Variants in NCOA4 observed in about 807,000 individuals in gnomAD.
NCOA4 encodes the protein 70 kDa AR-activator.
In NCOA4, 31 loss-of-function variants were observed where a neutral mutation model predicts 69.5. The ratio of observed to expected loss-of-function variants is 0.45; its 90% CI spans 0.34 to 0.60. The LOEUF is 0.60. Ranked by LOEUF, NCOA4 falls within the 20% of genes least tolerant of loss-of-function variation. NCOA4 has a pLI of 0.02. For synonymous variants in NCOA4, 228 were observed against 252.4 expected (o/e 0.90, Z 0.92); for missense variants, 600 against 719.2 (o/e 0.83, Z 1.90).
intron 9 of NCOA4, 140 bp downstream of exon 9, chr10:46,009,271 G>GTC (rs1839050389): frequency 3.4e-6 from 5 of 1,479,124 alleles, no homozygotes; most frequent in Admixed American, 1.9e-5. Context: ...GAGCTCCCCC[G>GTC]TCCCACCCTC....
intron 1 of NCOA4, chr10:46,022,360 C>G (rs782563096): frequency 2.2e-6 from 1 of 445,480 alleles, no homozygotes. Flanking sequence ...GTCTGTAAAG[C>G]TTTTAGTTTA....
At chr10:46,012,070 GAAAAAAAAAAAAAAA>G (rs71026286) in intron 7 of NCOA4, among the ~76,000 whole-genome samples, 123 of 44,522 alleles carry the variant, frequency 2.8e-3, no homozygotes, top group African/African-American at 5.8e-3. Flanking sequence ...CAAAAAGAAA[GAAAAAAAAAAAAAAA>G]AAAAAAAAAA....
At chr10:46,013,063 G>C (rs1839330940) in intron 6 of NCOA4, 37 bp from the exon 7 acceptor site, 2 of 1,604,586 alleles carry the variant, frequency 1.2e-6, no homozygotes, top group Admixed American at 1.7e-5. Context: ...AAATGCAGTA[G>C]AAAGTTCACC....
At chr10:46,028,480 T>A (rs11497868) in intron 1 of NCOA4, among the ~76,000 whole-genome samples, 4 of 151,494 alleles carry the variant, frequency 2.6e-5, no homozygotes, top group Non-Finnish European at 2.9e-5. Context: ...AGCCTTTTTT[T>A]AAAAAACTCA....
Position 46,006,429 on chromosome 10 carries a change from C to A in NCOA4, c.*163G>T. ...AGCATTTTTCTTTTAAACAGTAACT[C>A]ATAATCTGATGACTCACTTTGCTTT... On this transcript the variant is annotated 3_prime_UTR_variant, in exon 10 of 10. Transcript: ENST00000581486. 1 of 746,554 alleles carries A rather than the reference C, an allele frequency of 1.3e-6. No homozygotes were observed. Among genetic ancestry groups the A allele is most frequent in the South Asian group, 1.5e-5 (1 of 66,084 alleles). The allele number at this position is 746,554 out of a possible 1,614,324, so 46.2% of individuals were successfully genotyped here. A position where few individuals can be genotyped will look rare whatever the true frequency, so the allele number is the denominator to read the frequency against.
intron 4 of NCOA4, 132 bp downstream of exon 4, chr10:46,014,722 T>C: frequency 1.3e-6 from 1 of 796,642 alleles, no homozygotes; most frequent in Admixed American, 2.7e-5. Context: ...ATTAAATACA[T>C]GAAGCAGAAT....
Position 46,006,386 on chromosome 10 carries a change from A to G in NCOA4, c.*206T>C, listed in dbSNP as rs1260612527. On this transcript the variant is annotated 3_prime_UTR_variant, in exon 10 of 10. Coordinates refer to ENST00000581486, the MANE Select transcript of NCOA4 (RefSeq NM_001145263.2). Reference sequence around the variant, plus strand: ...TCTGTAAGAAGGAGGGAACTGAATCACCTCAGCATGAATAAACAGCATTTT... The same window carrying G: ...TCTGTAAGAAGGAGGGAACTGAATCGCCTCAGCATGAATAAACAGCATTTT... 9.1e-6 allele frequency: 5 copies of G among 547,490 alleles called. No homozygotes were observed. In the African/African-American group the frequency reaches 9.4e-5, roughly 10 times the overall value. 33.9% of individuals were successfully genotyped at this position (547,490 alleles called of 1,614,324 possible). A position where few individuals can be genotyped will look rare whatever the true frequency, so the allele number is the denominator to read the frequency against.
intron 3 of NCOA4, 50 bp downstream of exon 3, chr10:46,015,076 G>A (rs782139763): frequency 1.6e-5 from 26 of 1,612,052 alleles, no homozygotes; most frequent in East Asian, 2.2e-5. Context: ...GATACTCTCT[G>A]GCAACCAGAA....
At chr10:46,011,785 G>A (rs1288959952) in intron 7 of NCOA4, among the ~76,000 whole-genome samples, 1 of 151,790 alleles carries the variant, frequency 6.6e-6, no homozygotes, top group Non-Finnish European at 1.5e-5. Context: ...CGGGTACGGT[G>A]GTTCACGCCT....
rs1333314008 is a variant in NCOA4, at chr10:46,006,546, A to ATG, written c.*44_*45dup. 14 of 1,608,910 alleles carry ATG rather than the reference A, an allele frequency of 8.7e-6. No homozygotes were observed. The Admixed American group carries it at 1.5e-4, about 17-fold the overall frequency. On this transcript the variant is annotated 3_prime_UTR_variant, in exon 10 of 10. Transcript: ENST00000581486. ...GCAAGCTGCAGTCACTCAGCTCATG[A>ATG]TGTGTGATAATCAGCAGAAAGGCTG...
Position 46,010,302 on chromosome 10 carries a change from A to C in NCOA4, c.1619T>G (p.Val540Gly). Residue 540 changes from valine (V) to glycine (G), a missense_variant, in exon 8 of 10, where the codon GTC (valine) becomes GGC (glycine). Coordinates refer to ENST00000581486, the MANE Select transcript of NCOA4 (RefSeq NM_001145263.2). ...SWCSFNTADW[V>G]LPGKKMGNLS... Reference sequence around the variant, plus strand: ...GTTGCCCATCTTCTTTCCTGGCAGGACCCAGTCAGCTGTGTTAAAGGAACA... The same window carrying C: ...GTTGCCCATCTTCTTTCCTGGCAGGCCCCAGTCAGCTGTGTTAAAGGAACA... 6.2e-7 allele frequency: 1 copy of C among 1,614,082 alleles called. No homozygotes were observed. Among genetic ancestry groups the C allele is most frequent in the Non-Finnish European group, 8.5e-7 (1 of 1,180,018 alleles).
At chr10:46,013,823 T>TA (rs1381092330) in intron 5 of NCOA4, among the ~76,000 whole-genome samples, 184 bp from the exon 6 acceptor site, 2 of 152,198 alleles carry the variant, frequency 1.3e-5, no homozygotes, top group African/African-American at 4.8e-5. Flanking sequence ...AACTATTATA[T>TA]AAAAAATCTT....
chr10:46,019,300 A>T (rs985332445), intron 1 of NCOA4: 78 of 983,282 alleles, frequency 7.9e-5, no homozygotes, highest in Non-Finnish European at 9.2e-5. Context: ...CTTGGAACTC[A>T]CTGCAGGGAC....
chr10:46,014,408 T>G, intron 5 of NCOA4, 36 bp downstream of exon 5: 75 of 1,438,658 alleles, frequency 5.2e-5, no homozygotes, highest in Non-Finnish European at 7.1e-5. Context: ...GCCACAGATA[T>G]GAGAAGTGCC....
chr10:46,016,990 A>G (rs921529117), intron 1 of NCOA4, among the ~76,000 whole-genome samples: 1 of 152,238 alleles, frequency 6.6e-6, no homozygotes, highest in Non-Finnish European at 1.5e-5. Flanking sequence ...GTGTCCTGAA[A>G]AGTTAAAAGA....
At chr10:46,027,107 A>G (rs1211789760) in intron 1 of NCOA4, among the ~76,000 whole-genome samples, 1 of 151,956 alleles carries the variant, frequency 6.6e-6, no homozygotes, top group Non-Finnish European at 1.5e-5. Context: ...CATCTCTACT[A>G]AAAAACACAA....
intron 6 of NCOA4, among the ~76,000 whole-genome samples, 173 bp from the exon 7 acceptor site, chr10:46,013,199 T>C (rs1554922173): frequency 1.3e-5 from 2 of 152,232 alleles, no homozygotes; most frequent in Non-Finnish European, 2.9e-5. Context: ...TCTAGGGCTC[T>C]TCTCAACTAA....
At chr10:46,017,195 CT>C (rs566667687) in intron 1 of NCOA4, among the ~76,000 whole-genome samples, 58 of 149,682 alleles carry the variant, frequency 3.9e-4, no homozygotes, top group Non-Finnish European at 6.7e-4. Flanking sequence ...TTAGGTAGAA[CT>C]TTTTTTTTTA....
In NCOA4 at chr10:46,010,746, T is replaced by C. The variant is rs782533608; in HGVS notation, c.1175A>G (p.Gln392Arg). 1.7e-5 allele frequency: 28 copies of C among 1,613,936 alleles called. No homozygotes were observed. Among genetic ancestry groups the C allele is most frequent in the Non-Finnish European group, 2.2e-5 (26 of 1,179,864 alleles). ...TACCTTACATGGGTCCTGATGGTTC[T>C]GGACAAGCCAATCCTCTGTAACCAT... ...PSMVTEDWLV[Q>R]NHQDPCKVEE... Residue 392 changes from glutamine to arginine, a missense_variant, in exon 8 of 10, where the codon CAG (glutamine) becomes CGG (arginine). Physicochemically the swap from Gln to Arg is conservative, Grantham distance 43. Coordinates refer to ENST00000581486, the MANE Select transcript of NCOA4 (RefSeq NM_001145263.2).
Sources: allele counts gnomAD v4.1 joint callset (sites outside exome capture counted in the v4.1 genomes callset), GRCh38; gene constraint gnomAD v4.1.1; transcripts MANE v1.5; gene names NCBI Gene and HGNC (gene_info 2026-07-23, HGNC 2026-07-21).